Variants in ROR2 observed in about 807,000 individuals in gnomAD.
The protein encoded by ROR2 is ROR family WNT receptor 2.
A neutral mutation model predicts 74.9 loss-of-function variants in ROR2; 33 were observed. That is an observed-to-expected ratio of 0.44 (90% CI 0.33 to 0.59). The LOEUF (loss-of-function observed/expected upper bound fraction) is 0.59. Among genes scored for constraint, ROR2 ranks in the 20% least tolerant of loss-of-function variants. The probability of loss-of-function intolerance (pLI) is 0.02; values close to 1 mark genes in which losing one functional copy is unlikely to be tolerated. For synonymous variants in ROR2, 586 were observed against 558.7 expected (o/e 1.05, Z -0.69); for missense variants, 1,216 against 1,313.8 (o/e 0.93, Z 1.15).
intron 2 of ROR2, among the ~76,000 whole-genome samples, chr9:91,770,387 C>A (rs1327637584): frequency 2.6e-5 from 4 of 152,236 alleles, no homozygotes; most frequent in African/African-American, 9.6e-5. Flanking sequence ...GGGGGCCCAC[C>A]CCAGCCTCAC....
At chr9:91,820,427 A>C (rs897099763) in intron 1 of ROR2, among the ~76,000 whole-genome samples, 5 of 152,142 alleles carry the variant, frequency 3.3e-5, no homozygotes, top group Non-Finnish European at 7.4e-5. Context: ...TGTCCTGGGG[A>C]ACTCACAAAG....
chr9:91,927,999 C>T (rs12236298), intron 1 of ROR2, among the ~76,000 whole-genome samples: 1 of 152,172 alleles, frequency 6.6e-6, no homozygotes, highest in African/African-American at 2.4e-5. Flanking sequence ...CCAGGCCTGG[C>T]AAATCCTAGA....
intron 2 of ROR2, among the ~76,000 whole-genome samples, chr9:91,767,081 T>G (rs34236310): frequency 6.9e-6 from 1 of 144,314 alleles, no homozygotes; most frequent in Non-Finnish European, 1.5e-5. Context: ...TGACTTACGG[T>G]TTTTTTTTTT....
chr9:91,756,140 C>T (rs759686910), intron 3 of ROR2, 39 bp from the exon 4 acceptor site: 3 of 1,605,820 alleles, frequency 1.9e-6, no homozygotes, highest in Admixed American at 1.7e-5. Context: ...ATTAATACTC[C>T]ATGATTTGGA....
At chr9:91,870,322 G>T (rs929454669) in intron 1 of ROR2, among the ~76,000 whole-genome samples, 10 of 152,170 alleles carry the variant, frequency 6.6e-5, no homozygotes, top group Admixed American at 6.5e-4. Flanking sequence ...CCTACAGCCT[G>T]TATTTTAGAA....
intron 3 of ROR2, among the ~76,000 whole-genome samples, chr9:91,756,485 T>C (rs1165294735): frequency 1.3e-5 from 2 of 152,172 alleles, no homozygotes; most frequent in African/African-American, 4.8e-5. Context: ...TTCCTGCCAC[T>C]TAATTCCTTC....
chr9:91,822,541 G>A (rs1413800206), intron 1 of ROR2, among the ~76,000 whole-genome samples: 1 of 152,166 alleles, frequency 6.6e-6, no homozygotes, highest in East Asian at 1.9e-4. Flanking sequence ...AAAAGCAGAG[G>A]AGGCTTTTCT....
intron 5 of ROR2, among the ~76,000 whole-genome samples, chr9:91,736,172 C>T (rs1203014462): frequency 2.6e-5 from 4 of 152,174 alleles, no homozygotes; most frequent in East Asian, 1.9e-4. Context: ...CCCGCTGGAA[C>T]AGGATGGCAT....
At chr9:91,755,503 A>C (rs1006360579) in intron 4 of ROR2, among the ~76,000 whole-genome samples, 6 of 152,226 alleles carry the variant, frequency 3.9e-5, no homozygotes, top group Admixed American at 2.6e-4. Context: ...GACTCTCCCA[A>C]GACAGCCTGG....
intron 1 of ROR2, among the ~76,000 whole-genome samples, chr9:91,929,416 T>G (rs902254533): frequency 2.0e-5 from 3 of 152,162 alleles, no homozygotes; most frequent in African/African-American, 7.2e-5. Context: ...TGGACGCCCT[T>G]GCAGCTTCTC....
At chr9:91,901,950 C>G (rs1587833877) in intron 1 of ROR2, among the ~76,000 whole-genome samples, 1 of 152,148 alleles carries the variant, frequency 6.6e-6, no homozygotes, top group East Asian at 1.9e-4. Context: ...TCTGGAGCAG[C>G]AGGCCAACAG....
chr9:91,949,228 C>A (rs533524430), intron 1 of ROR2, among the ~76,000 whole-genome samples: 1 of 152,000 alleles, frequency 6.6e-6, no homozygotes, highest in East Asian at 2.0e-4. Context: ...CACCCCAGAG[C>A]GGTGGGGGAG....
chr9:91,783,077 G>C (rs1160176506), intron 1 of ROR2, among the ~76,000 whole-genome samples: 1 of 152,172 alleles, frequency 6.6e-6, no homozygotes, highest in Non-Finnish European at 1.5e-5. Flanking sequence ...CTTGCTGGCA[G>C]ACCATGGCTT....
intron 1 of ROR2, among the ~76,000 whole-genome samples, chr9:91,870,498 G>A (rs112610765): frequency 2.0e-5 from 3 of 152,264 alleles, no homozygotes; most frequent in African/African-American, 7.2e-5. Context: ...AAAAATGAAT[G>A]TCTAATTCAC....
Position 91,905,949 on chromosome 9 carries a change from G to A in ROR2, c.97+43918C>T, listed in dbSNP as rs2119441888. Among the ~76,000 whole-genome samples, 1 of 151,598 alleles carries A rather than the reference G, an allele frequency of 6.6e-6. No individual in the cohort carries two copies. The highest frequency in any genetic ancestry group is 6.6e-5 in the Admixed American group (1 of 15,254). ...CATTTATGTGCAACCCTGAATTGGT[G>A]GTTTTAAGAAACTATTATTAATGAA... On this transcript the variant is annotated intron_variant, in intron 1 of 8. Transcript: ENST00000375708. This position sits in a 1 kb window ranked among gnomAD's most constrained non-coding sequence, Gnocchi z 5.3.
At chr9:91,940,768 A>G (rs1271529218) in intron 1 of ROR2, among the ~76,000 whole-genome samples, 1 of 151,126 alleles carries the variant, frequency 6.6e-6, no homozygotes, top group East Asian at 2.0e-4. Flanking sequence ...CCCCCGGCTA[A>G]TTTTTGTATT....
chr9:91,761,245 G>A (rs1376790972), intron 2 of ROR2, among the ~76,000 whole-genome samples: 1 of 152,186 alleles, frequency 6.6e-6, no homozygotes, highest in Non-Finnish European at 1.5e-5. Flanking sequence ...TTAGCACCAG[G>A]GACCAGTCTC....
intron 5 of ROR2, among the ~76,000 whole-genome samples, chr9:91,736,310 C>T (rs1184772275): frequency 6.6e-6 from 1 of 152,128 alleles, no homozygotes; most frequent in African/African-American, 2.4e-5. Flanking sequence ...ATGTGATGTT[C>T]GACTCTCTAG....
At position 91,796,464 on chromosome 9, in the gene ROR2, CAT is replaced by C. The variant is rs201732822; in HGVS notation, c.98-20648_98-20647del. Among the ~76,000 whole-genome samples, 482 of 149,622 alleles carry C rather than the reference CAT, an allele frequency of 3.2e-3. 5 individuals are homozygous for C. The highest frequency in any genetic ancestry group is 0.02 in the East Asian group (96 of 4,784). On this transcript the variant is annotated intron_variant, in intron 1 of 8. Transcript: ENST00000375708. ...AAAAAAAAAAAAAAAAACATTTTCA[CAT>C]GTTTTACCTTTTCTTTCCAAATTCT...
Sources: gnomAD v4.1 joint callset for allele counts (sites outside exome capture counted in the v4.1 genomes callset) on GRCh38, gnomAD v4.1.1 for gene constraint, Gnocchi (gnomAD v3.1) non-coding constraint, MANE v1.5 for transcripts, NCBI Gene and HGNC (gene_info 2026-07-23, HGNC 2026-07-21) for gene names.